CBLN2: variants seen among roughly 807,000 people sequenced by gnomAD.
CBLN2 encodes cerebellin-2.
CBLN2 carries 7 observed loss-of-function variants against 15.0 expected under a neutral mutation model. The ratio of observed to expected loss-of-function variants is 0.47; its 90% CI spans 0.27 to 0.88. CBLN2 has a LOEUF of 0.88. Among genes scored for constraint, CBLN2 ranks in the 40% least tolerant of loss-of-function variants. The pLI, the probability that CBLN2 is intolerant of heterozygous loss-of-function variation, is 0.14. For synonymous variants in CBLN2, 149 were observed against 135.2 expected, an observed-to-expected ratio of 1.10 and a Z score of -0.71; for missense variants, 242 against 304.5, an observed-to-expected ratio of 0.79 and a Z score of 1.53.
At chr18:72,608,364 G>T (rs1599021217) in intron 1 of CBLN2, among the ~76,000 whole-genome samples, 1 of 152,082 alleles carries the variant, frequency 6.6e-6, no homozygotes, top group East Asian at 1.9e-4. Context: ...TTCCTTTGGG[G>T]CTCCCATGCA....
chr18:72,577,447 A>T (rs988986696), intron 1 of CBLN2, among the ~76,000 whole-genome samples: 2 of 152,180 alleles, frequency 1.3e-5, no homozygotes, highest in East Asian at 1.9e-4. Flanking sequence ...TGAGGACAAG[A>T]TGTCAGAATC....
intron 1 of CBLN2, among the ~76,000 whole-genome samples, chr18:72,555,576 T>C (rs1481102207): frequency 6.6e-6 from 1 of 152,192 alleles, no homozygotes; most frequent in Non-Finnish European, 1.5e-5. Context: ...TTATGAATTA[T>C]AGAATTTTAT....
At chr18:72,541,464 C>T (rs1399826681) in intron 3 of CBLN2, among the ~76,000 whole-genome samples, 1 of 152,170 alleles carries the variant, frequency 6.6e-6, no homozygotes, top group Non-Finnish European at 1.5e-5. Flanking sequence ...ATCAACCACA[C>T]CGCCGTGAAA....
chr18:72,629,632 A>C (rs1225266365), intron 1 of CBLN2, among the ~76,000 whole-genome samples: 1 of 152,096 alleles, frequency 6.6e-6, no homozygotes, highest in Non-Finnish European at 1.5e-5. Context: ...ATTTATTGCT[A>C]ATTCTTTTAA....
rs78048665 is a variant in CBLN2 at position 72,553,640 on chromosome 18, G to C, written c.16-14868C>G. 9.7e-3 allele frequency among the ~76,000 whole-genome samples: 1,470 copies of C among 152,214 alleles called. 9 individuals carry two copies. Among genetic ancestry groups the C allele is most frequent in the Middle Eastern group, 0.024 (7 of 294 alleles). On this transcript the variant is annotated intron_variant, in intron 1 of 2. Transcript: ENST00000581073. ...TTGGAAAGCTCAGACAAATCCTTAT[G>C]TTTAGATAATTTCAGCAAAAGAGCT...
chr18:72,623,573 A>G (rs116627682), intron 1 of CBLN2, among the ~76,000 whole-genome samples: 277 of 152,244 alleles, frequency 1.8e-3, no homozygotes, highest in African/African-American at 6.4e-3. Flanking sequence ...AAGCCCTAAG[A>G]GCTGAAGCCT....
intron 1 of CBLN2, among the ~76,000 whole-genome samples, chr18:72,619,512 T>C (rs551839497): frequency 1.3e-5 from 2 of 152,306 alleles, no homozygotes; most frequent in African/African-American, 4.8e-5. Flanking sequence ...TGCTGTTGAT[T>C]GCTAAATGTA....
chr18:72,612,575 T>C lies in CBLN2; in HGVS notation c.15+25750A>G, dbSNP rs928356992. Among the ~76,000 whole-genome samples, 4 of 152,128 alleles carry C rather than the reference T, an allele frequency of 2.6e-5. No individual in the cohort carries two copies. In the East Asian group the frequency reaches 5.8e-4, roughly 22 times the overall value. ...ATTTTCTGTGTTTTTCTGTACTTAA[T>C]GTCTTCCTCTAATAAAAAACATTGC... On this transcript the variant is annotated intron_variant, in intron 1 of 2. Coordinates refer to the CBLN2 transcript ENST00000581073.
At chr18:72,570,823 T>C (rs572352517) in intron 1 of CBLN2, among the ~76,000 whole-genome samples, 13 of 152,204 alleles carry the variant, frequency 8.5e-5, no homozygotes, top group East Asian at 5.8e-4. Context: ...TCAGCTGAGA[T>C]TGGCTACTAA....
rs141963754 is a variant in CBLN2, at chr18:72,559,092, G to A, written c.16-20320C>T. On this transcript the variant is annotated intron_variant, in intron 1 of 2. Coordinates refer to the CBLN2 transcript ENST00000581073. ...AAGGAAATATATTACTAGAAATAAAGGATATAAAGTACACCCTGAAGCAAT... is the reference window on the plus strand; with the variant it reads ...AAGGAAATATATTACTAGAAATAAAAGATATAAAGTACACCCTGAAGCAAT... 3.9e-3 allele frequency among the ~76,000 whole-genome samples: 593 copies of A among 152,294 alleles called. 4 individuals carry two copies. Among genetic ancestry groups the A allele is most frequent in the Non-Finnish European group, 5.3e-3 (363 of 68,030 alleles).
Position 72,538,762 on chromosome 18 carries a change from T to C in CBLN2, c.368A>G (p.Asn123Ser). ...MTIYFDQVLV[N>S]IGNHFDLASS... The stretch of plus-strand genomic sequence containing the variant: ...AGCAAGATCAAAGTGGTTGCCAATA[T>C]TTACTAATACCTGAAAAAGAAGAGG... Residue 123 changes from asparagine to serine, a missense_variant, in exon 4 of 5, where the codon AAT (asparagine) becomes AGT (serine). Physicochemically the swap from Asn to Ser is conservative, Grantham distance 46 (BLOSUM62 1). Coordinates refer to ENST00000269503, the MANE Select transcript of CBLN2 (RefSeq NM_182511.4). 1 of 1,613,628 alleles carries C rather than the reference T, an allele frequency of 6.2e-7. No individual in the cohort carries two copies. The highest frequency in any genetic ancestry group is 8.5e-7 in the Non-Finnish European group (1 of 1,179,950).
chr18:72,618,567 C>T (rs901452401), intron 1 of CBLN2: 14 of 788,356 alleles, frequency 1.8e-5, no homozygotes, highest in Non-Finnish European at 2.4e-5. Flanking sequence ...CAGGTGTCCA[C>T]TTAACTGTGA....
intron 1 of CBLN2, among the ~76,000 whole-genome samples, chr18:72,636,376 G>T (rs1011571889): frequency 1.3e-5 from 2 of 152,174 alleles, no homozygotes; most frequent in African/African-American, 2.4e-5. Flanking sequence ...CCAATAAAAT[G>T]ATAAATGAAA....
intron 1 of CBLN2, among the ~76,000 whole-genome samples, chr18:72,611,650 T>C (rs2069623329): frequency 1.3e-5 from 2 of 152,234 alleles, no homozygotes; most frequent in African/African-American, 4.8e-5. Context: ...TAGACCTTTG[T>C]TGGATGCATA....
At chr18:72,558,364 C>T (rs527827532) in intron 1 of CBLN2, among the ~76,000 whole-genome samples, 6 of 152,262 alleles carry the variant, frequency 3.9e-5, no homozygotes, top group South Asian at 4.1e-4. Context: ...TCTGGGCACC[C>T]GGAAGCTCCA....
intron 1 of CBLN2, among the ~76,000 whole-genome samples, chr18:72,572,601 T>G (rs1192340415): frequency 6.6e-6 from 1 of 152,124 alleles, no homozygotes; most frequent in Non-Finnish European, 1.5e-5. Context: ...CTGCCTTTTT[T>G]TGAGATTGGG....
chr18:72,566,656 A>C (rs1216466018), intron 1 of CBLN2, among the ~76,000 whole-genome samples: 1 of 152,208 alleles, frequency 6.6e-6, no homozygotes, highest in Admixed American at 6.5e-5. Context: ...GGAGGGTAGG[A>C]GCAAGGACAA....
intron 1 of CBLN2, among the ~76,000 whole-genome samples, chr18:72,581,674 C>T (rs2069405973): frequency 1.3e-5 from 2 of 152,148 alleles, no homozygotes; most frequent in African/African-American, 4.8e-5. Context: ...CGAATAACAT[C>T]TTTTCCCCTC....
chr18:72,573,082 T>A (rs1348387550), intron 1 of CBLN2, among the ~76,000 whole-genome samples: 1 of 152,126 alleles, frequency 6.6e-6, no homozygotes, highest in African/African-American at 2.4e-5. Flanking sequence ...TTTCAATAAA[T>A]CATGGGATGA....
Sources: allele counts gnomAD v4.1 joint callset (sites outside exome capture counted in the v4.1 genomes callset), GRCh38; gene constraint gnomAD v4.1.1; transcripts MANE v1.5; gene names NCBI Gene and HGNC (gene_info 2026-07-23, HGNC 2026-07-21).